The following CALCR variants were observed in gnomAD, a reference collection of about 807,000 sequenced individuals.
CALCR encodes the protein calcitonin receptor.
Under a neutral mutation model 59.5 loss-of-function variants are expected in CALCR, and 47 were observed. That is an observed-to-expected ratio of 0.79 (90% confidence interval 0.63 to 1.01). CALCR has a LOEUF of 1.01. CALCR is among the 50% of genes least tolerant of loss of function. The pLI, the probability that CALCR is intolerant of heterozygous loss-of-function variation, is 0.00. For synonymous variants in CALCR, 213 were observed against 211.3 expected (o/e 1.01, Z -0.07); for missense variants, 566 against 597.1 (o/e 0.95, Z 0.54).
intron 2 of CALCR, among the ~76,000 whole-genome samples, chr7:93,490,747 A>C (rs1801055984): frequency 6.6e-6 from 1 of 152,004 alleles, no homozygotes; most frequent in African/African-American, 2.4e-5. Flanking sequence ...CTGCTCAAGG[A>C]AATAAGAGAT....
At chr7:93,560,384 GTATC>G (rs1789718135) in intron 2 of CALCR, among the ~76,000 whole-genome samples, 1 of 151,876 alleles carries the variant, frequency 6.6e-6, no homozygotes, top group East Asian at 1.9e-4. Flanking sequence ...CTGACTATTG[GTATC>G]TATAATTTTG....
intron 2 of CALCR, among the ~76,000 whole-genome samples, chr7:93,568,216 C>A (rs1409489796): frequency 6.6e-6 from 1 of 152,014 alleles, no homozygotes; most frequent in Non-Finnish European, 1.5e-5. Flanking sequence ...AAACGCTGTC[C>A]AGGAAAGGCT....
Position 93,426,293 on chromosome 7 carries a change from AT to A in CALCR, c.*62del. ...CCTGGGAGGATGGAGAATACTTTAA[AT>A]GCATGGTCTTTCTCCCAGGAAATGA... On this transcript the variant is annotated 3_prime_UTR_variant, in exon 14 of 14. Coordinates refer to ENST00000426151, the MANE Select transcript of CALCR (RefSeq NM_001742.4). 1.1e-6 allele frequency: 1 copy of A among 907,122 alleles called. No individual in the cohort carries two copies. Among genetic ancestry groups the A allele is most frequent in the Non-Finnish European group, 1.8e-6 (1 of 541,864 alleles). 56.2% of individuals were successfully genotyped at this position (907,122 alleles called of 1,614,324 possible).
intron 2 of CALCR, among the ~76,000 whole-genome samples, chr7:93,554,194 AGTT>A (rs1789534721): frequency 6.6e-6 from 1 of 152,182 alleles, no homozygotes; most frequent in Non-Finnish European, 1.5e-5. Flanking sequence ...TTATATGAGA[AGTT>A]GTACATTTTT....
intron 7 of CALCR, among the ~76,000 whole-genome samples, chr7:93,462,616 T>C (rs1342554760): frequency 6.6e-6 from 1 of 152,108 alleles, no homozygotes; most frequent in African/African-American, 2.4e-5. Flanking sequence ...CAGCCTGGCT[T>C]AGACCAATGA....
intron 8 of CALCR, among the ~76,000 whole-genome samples, chr7:93,451,445 G>T (rs1267132032): frequency 6.6e-6 from 1 of 151,912 alleles, no homozygotes; most frequent in African/African-American, 2.4e-5. Flanking sequence ...GTCCTTTTCT[G>T]CTCCCCTTAT....
chr7:93,542,941 G>C (rs1343225994), intron 2 of CALCR, among the ~76,000 whole-genome samples: 1 of 147,140 alleles, frequency 6.8e-6, no homozygotes, highest in Non-Finnish European at 1.5e-5. Context: ...ACCTGCCTGA[G>C]ATGGTTTTGC....
At position 93,425,524 on chromosome 7, in the gene CALCR, G is replaced by C. The variant is rs1327788822; in HGVS notation, c.*832C>G. Reference sequence around the variant, plus strand: ...AGGGGAGTGGCAAACTCTCTTTAAAGGGAGTATTGTCTTCCACTAAGAATT... The same window carrying C: ...AGGGGAGTGGCAAACTCTCTTTAAACGGAGTATTGTCTTCCACTAAGAATT... On this transcript the variant is annotated 3_prime_UTR_variant, in exon 14 of 14. Transcript: ENST00000426151. The C allele has an allele frequency of 1.3e-5, 2 of 150,528 alleles. No homozygotes were observed. The highest frequency in any genetic ancestry group is 4.1e-4 in the East Asian group (2 of 4,864). 9.3% of individuals were successfully genotyped at this position (150,528 alleles called of 1,614,324 possible).
chr7:93,460,412 C>T (rs928748134), intron 8 of CALCR, among the ~76,000 whole-genome samples: 18 of 150,862 alleles, frequency 1.2e-4, no homozygotes, highest in South Asian at 4.2e-4. Flanking sequence ...AAAAATTAGC[C>T]GGGCATGGTG....
intron 3 of CALCR, chr7:93,483,796 T>C (rs1800860600): frequency 3.7e-6 from 1 of 273,556 alleles, no homozygotes; most frequent in South Asian, 3.2e-5. Flanking sequence ...TATGATTATA[T>C]GTTCACATTC....
chr7:93,537,061 TG>T (rs1789010581), intron 2 of CALCR, among the ~76,000 whole-genome samples: 1 of 144,606 alleles, frequency 6.9e-6, no homozygotes, highest in Admixed American at 6.9e-5. Context: ...CAGGATTTTT[TG>T]TTACTATTCT....
intron 2 of CALCR, among the ~76,000 whole-genome samples, chr7:93,499,512 T>C (rs1247768123): frequency 6.6e-6 from 1 of 151,858 alleles, no homozygotes; most frequent in Non-Finnish European, 1.5e-5. Context: ...TGGGTAATAA[T>C]TGACTTCCAT....
chr7:93,427,035 T>A (rs898483088), intron 13 of CALCR, among the ~76,000 whole-genome samples: 2 of 152,232 alleles, frequency 1.3e-5, no homozygotes, highest in African/African-American at 4.8e-5. Flanking sequence ...TTTATGATAA[T>A]GGCCTCGTAC....
chr7:93,525,684 A>C (rs1801861864), intron 2 of CALCR, among the ~76,000 whole-genome samples: 1 of 152,206 alleles, frequency 6.6e-6, no homozygotes, highest in Non-Finnish European at 1.5e-5. Flanking sequence ...AAAGTTTAAC[A>C]GTCAGTTAGA....
At chr7:93,519,070 C>G (rs1475032106) in intron 2 of CALCR, among the ~76,000 whole-genome samples, 2 of 151,948 alleles carry the variant, frequency 1.3e-5, no homozygotes, top group Non-Finnish European at 2.9e-5. Flanking sequence ...CTTATTAACA[C>G]TGCTGTATAT....
chr7:93,526,077 T>G (rs886263250), intron 2 of CALCR, among the ~76,000 whole-genome samples: 10 of 152,158 alleles, frequency 6.6e-5, no homozygotes, highest in Admixed American at 3.3e-4. Context: ...CAATAAACTG[T>G]TTTGATAGGA....
intron 2 of CALCR, chr7:93,495,969 T>C (rs538879219): frequency 1.3e-6 from 2 of 1,493,610 alleles, no homozygotes; most frequent in East Asian, 2.5e-5. Context: ...GTGGGAATCA[T>C]TTATTCTGTG....
At chr7:93,552,356 G>T (rs930128385) in intron 2 of CALCR, among the ~76,000 whole-genome samples, 1 of 152,144 alleles carries the variant, frequency 6.6e-6, no homozygotes, top group African/African-American at 2.4e-5. Flanking sequence ...GATGGAACTC[G>T]GGTGTCCTAA....
At chr7:93,560,334 G>A (rs1789717008) in intron 2 of CALCR, among the ~76,000 whole-genome samples, 3 of 151,928 alleles carry the variant, frequency 2.0e-5, no homozygotes, top group African/African-American at 7.3e-5. Context: ...CACTCTCTAG[G>A]TAATTTAAAC....
Sources: allele counts gnomAD v4.1 joint callset (sites outside exome capture counted in the v4.1 genomes callset), GRCh38; gene constraint gnomAD v4.1.1; transcripts MANE v1.5; gene names NCBI Gene and HGNC (gene_info 2026-07-23, HGNC 2026-07-21).